Variants in DPP6 observed in about 807,000 individuals in gnomAD.
DPP6 encodes the protein A-type potassium channel modulatory protein DPP6.
A neutral mutation model predicts 122.6 loss-of-function variants in DPP6; 69 were observed. That is an observed-to-expected ratio of 0.56 (90% CI 0.46 to 0.69). The LOEUF (loss-of-function observed/expected upper bound fraction) is 0.69, where lower values mean the gene tolerates loss of function less well. Ranked by LOEUF, DPP6 falls within the 30% of genes least tolerant of loss-of-function variation. The pLI is 0.00. For synonymous variants in DPP6, 418 were observed against 433.1 expected (o/e 0.97, Z 0.43); for missense variants, 928 against 1,116.9 (o/e 0.83, Z 2.41).
At chr7:153,983,918 G>T (rs1374898408) in intron 1 of DPP6, among the ~76,000 whole-genome samples, 1 of 152,032 alleles carries the variant, frequency 6.6e-6, no homozygotes, top group Non-Finnish European at 1.5e-5. Flanking sequence ...GTGTACCTCA[G>T]TTGGAAATGC....
chr7:154,361,315 G>A (rs779142160), intron 1 of DPP6, among the ~76,000 whole-genome samples: 9 of 152,140 alleles, frequency 5.9e-5, no homozygotes, highest in Non-Finnish European at 1.0e-4. Context: ...CCAATAAAGT[G>A]TATTTGTTCC....
At chr7:154,085,943 G>C (rs1585343914) in intron 1 of DPP6, among the ~76,000 whole-genome samples, 1 of 152,004 alleles carries the variant, frequency 6.6e-6, no homozygotes, top group African/African-American at 2.4e-5. Context: ...GGCCAGGCTC[G>C]TCTTGAACTC....
At chr7:154,058,236 C>CA in intron 1 of DPP6, 1 of 149,220 alleles carries the variant, frequency 6.7e-6, no homozygotes, top group African/African-American at 2.5e-5. Context: ...ACCCCCATCG[C>CA]AGGGGGGGAG....
intron 5 of DPP6, among the ~76,000 whole-genome samples, chr7:154,571,409 C>T (rs958583245): frequency 4.6e-5 from 7 of 152,280 alleles, no homozygotes; most frequent in African/African-American, 1.7e-4. Context: ...CATCCTTGAA[C>T]ATACACAAAT....
intron 16 of DPP6, among the ~76,000 whole-genome samples, chr7:154,826,196 C>G (rs941341210): frequency 6.6e-6 from 1 of 152,096 alleles, no homozygotes; most frequent in African/African-American, 2.4e-5. Context: ...CAAATAGGAA[C>G]AAAGAGTTTT....
Position 154,648,376 on chromosome 7 carries a change from G to A in DPP6, c.680+10503G>A, listed in dbSNP as rs537097680. On this transcript the variant is annotated intron_variant, in intron 6 of 25. Transcript: ENST00000377770. ...TGTCCCTTGCTGTCTAGTTTATTTT[G>A]TTTTGTTTCTACGTCACCTCCTCTC... Among the ~76,000 whole-genome samples, 4 of 152,150 alleles carry A rather than the reference G, an allele frequency of 2.6e-5. No homozygotes were observed. In the South Asian group the frequency reaches 8.3e-4, roughly 32 times the overall value.
intron 3 of DPP6, among the ~76,000 whole-genome samples, chr7:154,531,342 T>C (rs1275115128): frequency 6.6e-6 from 1 of 152,052 alleles, no homozygotes; most frequent in Non-Finnish European, 1.5e-5. Flanking sequence ...TTAAAAACCA[T>C]GGTGACCAGA....
At chr7:153,969,094 T>G (rs536276237) in intron 1 of DPP6, among the ~76,000 whole-genome samples, 5,718 of 147,670 alleles carry the variant, frequency 0.039, 384 homozygotes, top group African/African-American at 0.14. Context: ...GGACATGTTT[T>G]TGTTTCTCTT....
At chr7:154,785,109 G>A (rs1016110558) in intron 10 of DPP6, among the ~76,000 whole-genome samples, 13 of 152,174 alleles carry the variant, frequency 8.5e-5, no homozygotes, top group Non-Finnish European at 1.8e-4. Flanking sequence ...ATTTCTCCAT[G>A]ACACCGTGGG....
intron 16 of DPP6, among the ~76,000 whole-genome samples, chr7:154,829,409 G>A (rs13307106): frequency 7.0e-6 from 1 of 142,494 alleles, no homozygotes; most frequent in Admixed American, 7.1e-5. Flanking sequence ...AGAGAAGAGG[G>A]GGAGAGGAGG....
At chr7:154,008,900 C>T (rs1425808132) in intron 1 of DPP6, among the ~76,000 whole-genome samples, 4 of 149,624 alleles carry the variant, frequency 2.7e-5, no homozygotes, top group African/African-American at 7.3e-5. Flanking sequence ...CTCCTGACCT[C>T]GTGATCCGCC....
chr7:154,187,061 G>A (rs1798386629), intron 1 of DPP6, among the ~76,000 whole-genome samples: 1 of 152,212 alleles, frequency 6.6e-6, no homozygotes, highest in East Asian at 1.9e-4. Context: ...GAAAAAGCCT[G>A]TGTGTGTTCA....
At chr7:154,880,830 A>G in intron 20 of DPP6, 58 bp from the exon 21 acceptor site, 2 of 1,613,886 alleles carry the variant, frequency 1.2e-6, no homozygotes, top group Non-Finnish European at 1.7e-6. Context: ...GGGCTACAGG[A>G]AGACAAAGTG....
chr7:154,737,572 C>T (rs944082191), intron 8 of DPP6, among the ~76,000 whole-genome samples: 9 of 152,176 alleles, frequency 5.9e-5, no homozygotes, highest in Admixed American at 2.0e-4. Flanking sequence ...AGGGCCAACT[C>T]TTTCCTTATC....
At chr7:154,073,555 C>G (rs1489429358) in intron 1 of DPP6, among the ~76,000 whole-genome samples, 3 of 152,202 alleles carry the variant, frequency 2.0e-5, no homozygotes, top group African/African-American at 7.2e-5. Flanking sequence ...CTTTTCTATA[C>G]TTACCTTTAC....
At chr7:153,961,985 C>T (rs1472984341) in intron 1 of DPP6, among the ~76,000 whole-genome samples, 4 of 148,658 alleles carry the variant, frequency 2.7e-5, no homozygotes, top group African/African-American at 1.0e-4. Flanking sequence ...CATTATATGT[C>T]CCCTCTTGTG....
At chr7:154,825,793 G>A (rs1411627509) in intron 16 of DPP6, among the ~76,000 whole-genome samples, 11 of 152,234 alleles carry the variant, frequency 7.2e-5, no homozygotes, top group African/African-American at 1.9e-4. Flanking sequence ...CACACAGCAC[G>A]TGGAGAAGGA....
rs200756489 is a variant in DPP6, at chr7:153,941,547, T to C, written c.51+53813T>C. On this transcript the variant is annotated intron_variant, in intron 1 of 25. Transcript: ENST00000404039. ...GAGAGAGAGGGCCCCACAGACTCCA[T>C]CACTTGGGTGACCTTTGGTATAAAA... Among the ~76,000 whole-genome samples, 3 of 152,254 alleles carry C rather than the reference T, an allele frequency of 2.0e-5. No homozygotes were observed. The East Asian group carries it at 5.8e-4, about 29-fold the overall frequency.
chr7:154,829,996 G>A (rs373242937), intron 16 of DPP6, among the ~76,000 whole-genome samples: 21 of 152,212 alleles, frequency 1.4e-4, no homozygotes, highest in East Asian at 5.8e-4. Context: ...TGCCGCTGCC[G>A]TTCTCACCAC....
Sources: allele counts gnomAD v4.1 joint callset (sites outside exome capture counted in the v4.1 genomes callset), GRCh38; gene constraint gnomAD v4.1.1; transcripts MANE v1.5; gene names NCBI Gene and HGNC (gene_info 2026-07-23, HGNC 2026-07-21).